Variants in SLC25A21 observed in about 807,000 individuals in gnomAD.
SLC25A21 encodes the protein solute carrier family 25 member 21, also known as mitochondrial 2-oxodicarboxylate carrier.
In SLC25A21, 47 loss-of-function variants were observed where a neutral mutation model predicts 43.8. The observed-to-expected ratio is 1.07, with a 90% confidence interval of 0.85 to 1.37. The LOEUF is 1.37. SLC25A21 is among the 40% of genes most tolerant of loss of function. SLC25A21 has a pLI of 0.00. For synonymous variants in SLC25A21, 131 were observed against 121.3 expected (o/e 1.08, Z -0.52); for missense variants, 352 against 350.2 (o/e 1.00, Z -0.04).
intron 1 of SLC25A21, among the ~76,000 whole-genome samples, chr14:37,032,594 C>A (rs1961239615): frequency 7.1e-6 from 1 of 140,596 alleles, no homozygotes; most frequent in African/African-American, 2.8e-5. Flanking sequence ...TTGCTTGAAC[C>A]CGGGAGGTGG....
At chr14:36,734,109 T>A (rs1226788921) in intron 4 of SLC25A21, among the ~76,000 whole-genome samples, 1 of 152,184 alleles carries the variant, frequency 6.6e-6, no homozygotes, top group Non-Finnish European at 1.5e-5. Flanking sequence ...GAAATGGGAA[T>A]GATTTAGGGA....
At chr14:36,741,628 A>T (rs1885267552) in intron 3 of SLC25A21, among the ~76,000 whole-genome samples, 1 of 152,238 alleles carries the variant, frequency 6.6e-6, no homozygotes, top group African/African-American at 2.4e-5. Flanking sequence ...TCTGAGCCTG[A>T]AAATATCAAT....
At chr14:36,724,905 A>G (rs933936352) in intron 6 of SLC25A21, among the ~76,000 whole-genome samples, 1 of 152,264 alleles carries the variant, frequency 6.6e-6, no homozygotes, top group East Asian at 1.9e-4. Flanking sequence ...TCAGTGGTTT[A>G]GCTATAGTCC....
chr14:36,758,741 G>C (rs1478915760), intron 3 of SLC25A21, among the ~76,000 whole-genome samples: 1 of 152,124 alleles, frequency 6.6e-6, no homozygotes, highest in African/African-American at 2.4e-5. Context: ...AAGACTGATA[G>C]GGACCTGAAA....
intron 1 of SLC25A21, among the ~76,000 whole-genome samples, chr14:36,963,559 C>G (rs1024051419): frequency 3.3e-5 from 5 of 152,148 alleles, no homozygotes; most frequent in Non-Finnish European, 7.4e-5. Context: ...GTTATTCCAC[C>G]TGGTATTCTG....
chr14:36,977,940 CT>C (rs35382738), intron 1 of SLC25A21, among the ~76,000 whole-genome samples: 57,661 of 127,592 alleles, frequency 0.45, 11,907 homozygotes, highest in Middle Eastern at 0.55. Flanking sequence ...GATTACAAAG[CT>C]TTTTTTTTTT....
chr14:36,954,408 GC>G (rs1205728416), intron 1 of SLC25A21, among the ~76,000 whole-genome samples: 1 of 151,938 alleles, frequency 6.6e-6, no homozygotes, highest in Non-Finnish European at 1.5e-5. Context: ...GAAATCTCTA[GC>G]TTGACTTCCC....
intron 1 of SLC25A21, among the ~76,000 whole-genome samples, chr14:36,953,815 AG>A (rs1280661174): frequency 1.3e-5 from 2 of 152,214 alleles, no homozygotes; most frequent in African/African-American, 2.4e-5. Context: ...TAGGCATTTT[AG>A]ACACTCTTGT....
rs141571495 is a variant in SLC25A21 at position 36,699,854 on chromosome 14, C to T, written c.603+11464G>A. On this transcript the variant is annotated intron_variant, in intron 7 of 9. Coordinates refer to ENST00000331299, the MANE Select transcript of SLC25A21 (RefSeq NM_030631.4). ...CCCCGTTTTTCCAGATAGTCTGTCA[C>T]GGCTTCCCTTGGCTAGGAAAGGGAA... Among the ~76,000 whole-genome samples, 547 of 152,300 alleles carry T rather than the reference C, an allele frequency of 3.6e-3. 2 individuals are homozygous for T. Among genetic ancestry groups the T allele is most frequent in the African/African-American group, 0.013 (528 of 41,566 alleles).
chr14:37,099,819 G>A (rs1962782794), intron 1 of SLC25A21, among the ~76,000 whole-genome samples: 1 of 151,980 alleles, frequency 6.6e-6, no homozygotes, highest in South Asian at 2.1e-4. Flanking sequence ...GAGAGTAAGT[G>A]ATTTTCCTAA....
At chr14:37,118,658 A>G (rs1963150494) in intron 1 of SLC25A21, among the ~76,000 whole-genome samples, 4 of 152,182 alleles carry the variant, frequency 2.6e-5, no homozygotes, top group Non-Finnish European at 2.9e-5. Flanking sequence ...ACTACTAAGG[A>G]AGTACATAAA....
intron 2 of SLC25A21, among the ~76,000 whole-genome samples, chr14:36,857,591 G>A (rs965441532): frequency 8.5e-5 from 13 of 152,184 alleles, no homozygotes; most frequent in African/African-American, 3.1e-4. Context: ...TTTAATTCAA[G>A]GTTTAAATTT....
chr14:36,781,598 C>T (rs751961087), intron 3 of SLC25A21, among the ~76,000 whole-genome samples: 1 of 152,112 alleles, frequency 6.6e-6, no homozygotes, highest in Non-Finnish European at 1.5e-5. Context: ...CTATCACATA[C>T]AAAAACTCTA....
At chr14:37,006,769 A>C (rs890325094) in intron 1 of SLC25A21, among the ~76,000 whole-genome samples, 1 of 152,170 alleles carries the variant, frequency 6.6e-6, no homozygotes, top group African/African-American at 2.4e-5. Context: ...AAGCTATATT[A>C]AATTGATGTC....
At chr14:36,997,552 G>T (rs1960398272) in intron 1 of SLC25A21, among the ~76,000 whole-genome samples, 1 of 152,130 alleles carries the variant, frequency 6.6e-6, no homozygotes, top group Non-Finnish European at 1.5e-5. Flanking sequence ...ATTTAGGTTG[G>T]GCACAATGGC....
intron 3 of SLC25A21, among the ~76,000 whole-genome samples, chr14:36,745,458 C>A (rs995281029): frequency 1.3e-5 from 2 of 152,152 alleles, no homozygotes; most frequent in Admixed American, 6.5e-5. Flanking sequence ...ACACTCCCAC[C>A]AACAGTGTAA....
chr14:36,682,787 G>C (rs1256459898), intron 9 of SLC25A21, among the ~76,000 whole-genome samples: 1 of 152,178 alleles, frequency 6.6e-6, no homozygotes, highest in Non-Finnish European at 1.5e-5. Flanking sequence ...AAATCCATGT[G>C]TAAAGGCCTA....
intron 1 of SLC25A21, among the ~76,000 whole-genome samples, chr14:36,920,447 T>C (rs527926422): frequency 1.3e-5 from 2 of 152,174 alleles, no homozygotes; most frequent in African/African-American, 2.4e-5. Flanking sequence ...GTCACTCTTA[T>C]AGAACCTCTA....
chr14:37,156,985 T>C (rs923761192), intron 1 of SLC25A21, among the ~76,000 whole-genome samples: 2 of 152,226 alleles, frequency 1.3e-5, no homozygotes, highest in Non-Finnish European at 2.9e-5. Context: ...ATACATTCTT[T>C]TCAGCCACAC....
Sources: allele counts gnomAD v4.1 joint callset (sites outside exome capture counted in the v4.1 genomes callset), GRCh38; gene constraint gnomAD v4.1.1; transcripts MANE v1.5; gene names NCBI Gene and HGNC (gene_info 2026-07-23, HGNC 2026-07-21).